Variants in RELCH observed in about 807,000 individuals in gnomAD.
RELCH encodes the protein RAB11 binding and LisH domain, coiled-coil and HEAT repeat containing.
A neutral mutation model predicts 150.3 loss-of-function variants in RELCH; 41 were observed. The ratio of observed to expected loss-of-function variants is 0.27; its 90% CI spans 0.21 to 0.35. The LOEUF is 0.35. Ranked by LOEUF, RELCH falls within the 10% of genes least tolerant of loss-of-function variation. The probability of loss-of-function intolerance (pLI) is 1.00; values close to 1 mark genes in which losing one functional copy is unlikely to be tolerated. For missense variants in RELCH, 1,092 were observed against 1,467.8 expected, an observed-to-expected ratio of 0.74 and a Z score of 4.18; for synonymous variants, 478 against 531.8, an observed-to-expected ratio of 0.90 and a Z score of 1.39.
chr18:62,239,866 A>C (rs1327670628), intron 10 of RELCH, among the ~76,000 whole-genome samples: 2 of 151,978 alleles, frequency 1.3e-5, no homozygotes, highest in African/African-American at 4.8e-5. Flanking sequence ...CCTTTTGTTT[A>C]GGTTCCTCCA....
chr18:62,217,347 T>G (rs1422133259), intron 2 of RELCH, among the ~76,000 whole-genome samples: 1 of 152,024 alleles, frequency 6.6e-6, no homozygotes, highest in Non-Finnish European at 1.5e-5. Flanking sequence ...AATTTATATA[T>G]TAAGTCATAA....
Position 62,187,571 on chromosome 18 carries a change from GGATGAGGAC to G in RELCH, c.72_80del (p.Glu24_Asp26del). The G allele has an allele frequency of 6.6e-7, 1 of 1,520,586 alleles. No individual in the cohort carries two copies. The highest frequency in any genetic ancestry group is 1.3e-5 in the South Asian group (1 of 76,200). The allele number at this position is 1,520,586 out of a possible 1,614,324, so 94.2% of individuals were successfully genotyped here. A position where few individuals can be genotyped will look rare whatever the true frequency, so the allele number is the denominator to read the frequency against. On this transcript the variant is annotated inframe_deletion, in exon 1 of 29. Transcript: ENST00000644646. The stretch of plus-strand genomic sequence containing the variant: ...GCGTGAATCCATTTCTCAGTGATTC[GGATGAGGAC>G]GATGACGAGGTAGCTGCAACAGAGG...
At position 62,227,290 on chromosome 18, in the gene RELCH, A is replaced by G; in HGVS notation, c.860A>G (p.Asp287Gly). Reference sequence around the variant, plus strand: ...TTATGTTTTTTTTTTATCTTTTAGGATTTTGAATTATGGGATGATGTAGGA... The same window carrying G: ...TTATGTTTTTTTTTTATCTTTTAGGGTTTTGAATTATGGGATGATGTAGGA... ...ITFSDENDDQDFELWDDVGLN... is the reference protein window; with the variant it reads ...ITFSDENDDQGFELWDDVGLN... The change falls in exon 6 of 29, where the codon GAT becomes GGT. Residue 287 changes from aspartate to glycine, a missense_variant and splice_region_variant. Asp to Gly is a moderately conservative substitution (Grantham distance 94). This residue lies in a region of RELCH where 190 missense variants were observed against 276.2 expected (regional missense o/e 0.69). Transcript: ENST00000644646. 6.5e-7 allele frequency: 1 copy of G among 1,550,066 alleles called. No homozygotes were observed. Among genetic ancestry groups the G allele is most frequent in the Non-Finnish European group, 8.8e-7 (1 of 1,139,866 alleles).
At chr18:62,188,191 C>T (rs1045047757) in intron 1 of RELCH, among the ~76,000 whole-genome samples, 160 bp downstream of exon 1, 1 of 152,186 alleles carries the variant, frequency 6.6e-6, no homozygotes, top group Non-Finnish European at 1.5e-5. Context: ...GCAAGAGGAT[C>T]AGGCAATGAC....
At chr18:62,209,050 GTC>G (rs1281163639) in intron 1 of RELCH, among the ~76,000 whole-genome samples, 1 of 152,122 alleles carries the variant, frequency 6.6e-6, no homozygotes, top group Non-Finnish European at 1.5e-5. Flanking sequence ...CCAGGATAAT[GTC>G]TCTTTTTTAA....
At chr18:62,270,694 T>G (rs536600121) in intron 20 of RELCH, among the ~76,000 whole-genome samples, 5 of 152,160 alleles carry the variant, frequency 3.3e-5, no homozygotes, top group Non-Finnish European at 7.4e-5. Context: ...GTGCACAACG[T>G]TCAAGTTCGT....
At chr18:62,273,321 TA>T (rs2144838927) in intron 20 of RELCH, among the ~76,000 whole-genome samples, 1 of 152,238 alleles carries the variant, frequency 6.6e-6, no homozygotes, top group South Asian at 2.1e-4. Context: ...AAACACAGAT[TA>T]TTTTTTAATC....
intron 27 of RELCH, among the ~76,000 whole-genome samples, chr18:62,296,627 T>G (rs944074743): frequency 1.3e-5 from 2 of 152,160 alleles, no homozygotes; most frequent in African/African-American, 2.4e-5. Context: ...CTACTTCCCC[T>G]TTTAGTTCTT....
chr18:62,263,908 CCTT>C, intron 16 of RELCH, 78 bp from the exon 17 acceptor site: 4 of 1,036,154 alleles, frequency 3.9e-6, no homozygotes, highest in Non-Finnish European at 5.7e-6. Flanking sequence ...GGAGAAAGGA[CCTT>C]ATTTTCCTTT....
intron 11 of RELCH, among the ~76,000 whole-genome samples, chr18:62,248,194 T>G (rs1018080146): frequency 3.3e-5 from 5 of 152,216 alleles, no homozygotes; most frequent in African/African-American, 9.6e-5. Context: ...TTTATAAAAA[T>G]GCATGTATAA....
chr18:62,236,430 T>C (rs1777868842), intron 10 of RELCH, among the ~76,000 whole-genome samples: 2 of 151,914 alleles, frequency 1.3e-5, no homozygotes, highest in Admixed American at 1.3e-4. Flanking sequence ...TATCTTGTGT[T>C]TTGGTATTTG....
At chr18:62,292,341 T>G (rs369842501) in intron 27 of RELCH, among the ~76,000 whole-genome samples, 8 of 152,158 alleles carry the variant, frequency 5.3e-5, no homozygotes, top group Admixed American at 5.2e-4. Context: ...ATTTTCTGAT[T>G]CAAAACTCCT....
At chr18:62,287,189 C>T (rs2044851566) in intron 25 of RELCH, among the ~76,000 whole-genome samples, 162 bp from the exon 26 acceptor site, 2 of 152,022 alleles carry the variant, frequency 1.3e-5, no homozygotes, top group African/African-American at 4.8e-5. Flanking sequence ...ACTTTCTTCC[C>T]TAGTTAAGAA....
In RELCH at chr18:62,204,141, T is replaced by C. The variant is rs527358675; in HGVS notation, c.527-7012T>C. Among the ~76,000 whole-genome samples, 15 of 152,268 alleles carry C rather than the reference T, an allele frequency of 9.9e-5. 1 individual carries two copies. The highest frequency in any genetic ancestry group is 3.4e-3 in the Middle Eastern group (1 of 294). ...CCCTTATCCCCAGTTTTAGTGGTGT[T>C]AGGATGATTTATCTAGTCTTCTATG... On this transcript the variant is annotated intron_variant, in intron 1 of 28. Transcript: ENST00000644646.
At position 62,261,591 on chromosome 18, in the gene RELCH, A is replaced by T. The variant is rs766122219; in HGVS notation, c.2283A>T (p.Ala761=). ...AGTCCTTGATCCCATCTCTCTTTGC[A>T]TTAGTGCTACAGAATGCACCTTTCT... ...ALQSLIPSLF[A]LVLQNAPFSS... The change falls in exon 16 of 29, where the codon GCA becomes GCT. Residue 761 remains alanine, a synonymous_variant. Coordinates refer to ENST00000644646, the MANE Select transcript of RELCH (RefSeq NM_001346231.2). The T allele has an allele frequency of 6.2e-7, 1 of 1,612,084 alleles. No homozygotes were observed. The highest frequency in any genetic ancestry group is 8.5e-7 in the Non-Finnish European group (1 of 1,178,804).
rs760614962 is a variant in RELCH, at chr18:62,252,715, A to C, written c.1785A>C (p.Thr595=). Residue 595 remains threonine (T), a synonymous_variant, in exon 12 of 29, where the codon ACA becomes ACC. Transcript: ENST00000644646. ...CVAFARHVGP[T]RVEAELLPQC... ...CATTTGCGCGTCATGTTGGACCAAC[A>C]CGTGTAGAAGCTGAACTTTTACCAC... 6.2e-7 allele frequency: 1 copy of C among 1,614,082 alleles called. No individual in the cohort carries two copies. The highest frequency in any genetic ancestry group is 2.2e-5 in the East Asian group (1 of 44,846).
intron 8 of RELCH, 96 bp from the exon 9 acceptor site, chr18:62,231,098 T>C: frequency 1.2e-6 from 1 of 805,180 alleles, no homozygotes; most frequent in Non-Finnish European, 2.0e-6. Flanking sequence ...GTAGGATTAA[T>C]GCTGGAATGG....
At chr18:62,296,639 T>C (rs2045424969) in intron 27 of RELCH, among the ~76,000 whole-genome samples, 1 of 152,212 alleles carries the variant, frequency 6.6e-6, no homozygotes, top group African/African-American at 2.4e-5. Context: ...TTAGTTCTTT[T>C]CAGTTTTGCT....
intron 5 of RELCH, among the ~76,000 whole-genome samples, chr18:62,223,976 T>A (rs982414009): frequency 1.2e-4 from 19 of 152,246 alleles, no homozygotes; most frequent in African/African-American, 4.3e-4. Flanking sequence ...TTTCTTTTTT[T>A]TTATTATTAT....
Sources: allele counts gnomAD v4.1 joint callset (sites outside exome capture counted in the v4.1 genomes callset), GRCh38; gene constraint gnomAD v4.1.1; regional missense constraint gnomAD v4.1.1; transcripts MANE v1.5; gene names NCBI Gene and HGNC (gene_info 2026-07-23, HGNC 2026-07-21).